Variants in POU6F2 observed in about 807,000 individuals in gnomAD.
POU6F2 encodes the protein POU domain, class 6, transcription factor 2.
A neutral mutation model predicts 71.3 loss-of-function variants in POU6F2; 31 were observed. That is an observed-to-expected ratio of 0.43 (90% confidence interval 0.33 to 0.59). POU6F2 has a LOEUF of 0.59. Ranked by LOEUF, POU6F2 falls within the 20% of genes least tolerant of loss-of-function variation. The pLI is 0.04. For synonymous variants in POU6F2, 347 were observed against 355.7 expected (o/e 0.98, Z 0.27); for missense variants, 783 against 856.8 (o/e 0.91, Z 1.07).
chr7:39,179,541 A>G (rs976925511), intron 2 of POU6F2, among the ~76,000 whole-genome samples: 2 of 152,206 alleles, frequency 1.3e-5, no homozygotes, highest in Non-Finnish European at 2.9e-5. Context: ...GCGCACACAC[A>G]CACACACACG....
At chr7:39,004,040 A>G (rs1305652995) in intron 1 of POU6F2, among the ~76,000 whole-genome samples, 2 of 152,208 alleles carry the variant, frequency 1.3e-5, no homozygotes, top group African/African-American at 4.8e-5. Flanking sequence ...TGAGATATAC[A>G]TATAAACGTT....
intron 4 of POU6F2, among the ~76,000 whole-genome samples, chr7:39,213,284 C>T (rs1392679642): frequency 2.0e-5 from 3 of 152,158 alleles, no homozygotes; most frequent in East Asian, 1.9e-4. Context: ...AAACCTGCCC[C>T]GGTTTTCTCT....
rs191138577 is a variant in POU6F2 at position 39,433,283 on chromosome 7, G to A, written c.1320G>A (p.Gln440=). Residue 440 remains glutamine, a splice_region_variant and synonymous_variant, in exon 7 of 10, where the codon CAG becomes CAA. Transcript: ENST00000518318. ...TGTCACCCATCAAGCCCGGCCAGCA[G>A]GTAAATGTTCCAGGCCAAGGCAGCC... ...ITLSPIKPGQ[Q]LHQPSQTSVG... 6 of 1,613,904 alleles carry A rather than the reference G, an allele frequency of 3.7e-6. No individual in the cohort carries two copies. Among genetic ancestry groups the A allele is most frequent in the Non-Finnish European group, 2.5e-6 (3 of 1,179,852 alleles).
chr7:39,227,904 A>G (rs1454286964), intron 4 of POU6F2, among the ~76,000 whole-genome samples: 1 of 152,158 alleles, frequency 6.6e-6, no homozygotes, highest in African/African-American at 2.4e-5. Flanking sequence ...CTGTGCAGCC[A>G]GGGTTGAGAC....
intron 4 of POU6F2, among the ~76,000 whole-genome samples, chr7:39,288,802 C>G (rs1784696070): frequency 6.6e-6 from 1 of 152,188 alleles, no homozygotes; most frequent in Non-Finnish European, 1.5e-5. Flanking sequence ...TAGTGACATA[C>G]AGTTGTGGAG....
At chr7:39,092,735 A>T (rs1293207692) in intron 2 of POU6F2, among the ~76,000 whole-genome samples, 1 of 152,162 alleles carries the variant, frequency 6.6e-6, no homozygotes, top group Non-Finnish European at 1.5e-5. Context: ...TAAAAAGGAA[A>T]CAAGGGTGGA....
intron 1 of POU6F2, among the ~76,000 whole-genome samples, chr7:39,002,237 T>C (rs1788936015): frequency 6.6e-6 from 1 of 152,214 alleles, no homozygotes; most frequent in Non-Finnish European, 1.5e-5. Context: ...AACAAAGTGA[T>C]TACTATTACT....
At chr7:39,434,519 G>A (rs1788185242) in intron 7 of POU6F2, among the ~76,000 whole-genome samples, 1 of 151,804 alleles carries the variant, frequency 6.6e-6, no homozygotes, top group African/African-American at 2.4e-5. Flanking sequence ...TAACATAGTT[G>A]TGATGATAGT....
intron 4 of POU6F2, among the ~76,000 whole-genome samples, chr7:39,301,216 CAG>C (rs1784942849): frequency 2.6e-5 from 4 of 152,140 alleles, no homozygotes; most frequent in African/African-American, 9.7e-5. Context: ...GTGTTTATTT[CAG>C]AGTCTTCCAG....
intron 1 of POU6F2, among the ~76,000 whole-genome samples, chr7:39,019,845 G>T (rs1789641887): frequency 6.6e-6 from 1 of 151,928 alleles, no homozygotes; most frequent in Non-Finnish European, 1.5e-5. Context: ...ATTATTTTAT[G>T]ATTCCATTCT....
In POU6F2 at chr7:39,464,439, G is replaced by A. The variant is rs1310902537; in HGVS notation, c.1916G>A (p.Arg639Gln). 6.8e-6 allele frequency: 11 copies of A among 1,613,936 alleles called. No homozygotes were observed. The highest frequency in any genetic ancestry group is 3.3e-5 in the Admixed American group (2 of 60,004). ...AGTGAACCATCCAAAAAGCGCAAGCGGCGCACCTCCTTCACACCCCAGGCC... is the reference window on the plus strand; with the variant it reads ...AGTGAACCATCCAAAAAGCGCAAGCAGCGCACCTCCTTCACACCCCAGGCC... Reference protein sequence around the residue: ...IGSEPSKKRKRRTSFTPQALE... With the variant: ...IGSEPSKKRKQRTSFTPQALE... Residue 639 changes from arginine (R) to glutamine (Q), a missense_variant, in exon 10 of 10, where the codon CGG (arginine) becomes CAG (glutamine). Arg to Gln is a conservative substitution (Grantham distance 43, BLOSUM62 1). Around this residue, in one of 2 missense-constraint regions of POU6F2, gnomAD observed 211 missense variants for 283.9 expected, o/e 0.74. Transcript: ENST00000518318. The surrounding 1 kb of genome is among the most constrained non-coding windows in gnomAD (Gnocchi z 4.1).
chr7:39,388,930 T>G (rs1787007133), intron 5 of POU6F2, among the ~76,000 whole-genome samples: 1 of 152,224 alleles, frequency 6.6e-6, no homozygotes, highest in South Asian at 2.1e-4. Flanking sequence ...TAGGATTGTT[T>G]CAAAAAGTTT....
At chr7:39,394,630 GAGCAT>G (rs1052444562) in intron 5 of POU6F2, among the ~76,000 whole-genome samples, 1 of 152,184 alleles carries the variant, frequency 6.6e-6, no homozygotes, top group Non-Finnish European at 1.5e-5. Flanking sequence ...TGGACATTCA[GAGCAT>G]AGCCAGCTTT....
intron 2 of POU6F2, among the ~76,000 whole-genome samples, chr7:39,117,828 G>A (rs902048049): frequency 3.3e-5 from 5 of 152,088 alleles, no homozygotes; most frequent in Admixed American, 2.0e-4. Flanking sequence ...CCCACCTATC[G>A]GAGACATGAG....
intron 5 of POU6F2, among the ~76,000 whole-genome samples, chr7:39,388,032 C>T (rs1350464522): frequency 6.6e-6 from 1 of 152,194 alleles, no homozygotes; most frequent in Admixed American, 6.5e-5. Flanking sequence ...AATTATAAAT[C>T]CTCAGGTTAT....
intron 2 of POU6F2, among the ~76,000 whole-genome samples, chr7:39,089,132 C>T (rs2128721574): frequency 6.6e-6 from 1 of 152,266 alleles, no homozygotes; most frequent in East Asian, 1.9e-4. Flanking sequence ...AAAGTAATTA[C>T]ATCAGTGGTA....
At chr7:39,267,092 A>G (rs992488890) in intron 4 of POU6F2, among the ~76,000 whole-genome samples, 1 of 152,140 alleles carries the variant, frequency 6.6e-6, no homozygotes, top group East Asian at 1.9e-4. Flanking sequence ...GGCTCCAGGG[A>G]TGGTGTGCTT....
intron 6 of POU6F2, among the ~76,000 whole-genome samples, chr7:39,426,474 G>T (rs1289658834): frequency 1.3e-5 from 2 of 152,126 alleles, no homozygotes; most frequent in Non-Finnish European, 2.9e-5. Flanking sequence ...TGAGCCCAGA[G>T]AAACACTCAC....
intron 1 of POU6F2, among the ~76,000 whole-genome samples, chr7:38,997,279 GT>G (rs1253377423): frequency 6.6e-6 from 1 of 151,784 alleles, no homozygotes; most frequent in African/African-American, 2.4e-5. Context: ...TTCCTGGTTT[GT>G]TTTTTTTCTT....
Sources: allele counts gnomAD v4.1 joint callset (sites outside exome capture counted in the v4.1 genomes callset), GRCh38; gene constraint gnomAD v4.1.1; regional missense constraint gnomAD v4.1.1; non-coding constraint Gnocchi (gnomAD v3.1); transcripts MANE v1.5; gene names NCBI Gene and HGNC (gene_info 2026-07-23, HGNC 2026-07-21).